Variants in CADPS2 observed in about 807,000 individuals in gnomAD.
The protein encoded by CADPS2 is calcium-dependent secretion activator 2.
CADPS2 carries 93 observed loss-of-function variants against 172.5 expected under a neutral mutation model. That is an observed-to-expected ratio of 0.54 (90% CI 0.46 to 0.64). The LOEUF (loss-of-function observed/expected upper bound fraction) is 0.64, where lower values mean the gene tolerates loss of function less well. Among genes scored for constraint, CADPS2 ranks in the 30% least tolerant of loss-of-function variants. CADPS2 has a pLI of 0.00. For synonymous variants in CADPS2, 546 were observed against 555.2 expected (o/e 0.98, Z 0.23); for missense variants, 1,420 against 1,565.9 (o/e 0.91, Z 1.57).
intron 2 of CADPS2, chr7:122,702,123 C>A (rs376463521): frequency 7.4e-6 from 12 of 1,613,552 alleles, no homozygotes; most frequent in South Asian, 4.4e-5. Flanking sequence ...AGTCTCCAGA[C>A]GCAATCTAAG....
intron 2 of CADPS2, among the ~76,000 whole-genome samples, chr7:122,729,958 ATGAAG>A (rs1227138227): frequency 5.3e-5 from 8 of 151,810 alleles, no homozygotes; most frequent in African/African-American, 1.7e-4. Flanking sequence ...AGGAAATAAA[ATGAAG>A]TGTAGTCTCT....
At position 122,536,150 on chromosome 7, in the gene CADPS2, CCTTTTG is replaced by C. The variant is rs1462709084; in HGVS notation, c.1475+18394_1475+18399del. 8.5e-5 allele frequency among the ~76,000 whole-genome samples: 13 copies of C among 152,102 alleles called. 1 individual carries two copies. The South Asian group carries it at 1.0e-3, about 12-fold the overall frequency. On this transcript the variant is annotated intron_variant, in intron 8 of 29. Transcript: ENST00000449022. ...CAAAACAATATTAGACAAATGATAT[CCTTTTG>C]CTTTTAAGAAAAATGAATAGTTGTA...
At chr7:122,435,478 C>T (rs1461962687) in intron 17 of CADPS2, among the ~76,000 whole-genome samples, 7 of 151,786 alleles carry the variant, frequency 4.6e-5, no homozygotes, top group South Asian at 2.1e-4. Context: ...CCTGTTGGGA[C>T]GACTATTATT....
At chr7:122,836,220 A>C (rs991646036) in intron 1 of CADPS2, among the ~76,000 whole-genome samples, 4 of 152,206 alleles carry the variant, frequency 2.6e-5, no homozygotes, top group African/African-American at 4.8e-5. Flanking sequence ...TTTACAGACA[A>C]GCAAATGATA....
intron 2 of CADPS2, among the ~76,000 whole-genome samples, chr7:122,677,442 G>A (rs1308194866): frequency 1.3e-5 from 2 of 152,208 alleles, no homozygotes; most frequent in Non-Finnish European, 2.9e-5. Context: ...GGAGGTGCCT[G>A]AGGAGGACGG....
chr7:122,523,811 G>C (rs1014245535), intron 8 of CADPS2, among the ~76,000 whole-genome samples: 1 of 152,126 alleles, frequency 6.6e-6, no homozygotes. Flanking sequence ...GGCTTTCCAA[G>C]CTGATTATAA....
At chr7:122,834,721 G>T (rs369898767) in intron 1 of CADPS2, among the ~76,000 whole-genome samples, 1 of 152,176 alleles carries the variant, frequency 6.6e-6, no homozygotes, top group Non-Finnish European at 1.5e-5. Context: ...ACTGCAAGGC[G>T]GCAGCGAGGC....
intron 1 of CADPS2, among the ~76,000 whole-genome samples, chr7:122,738,358 C>T (rs2092292828): frequency 1.3e-5 from 2 of 151,748 alleles, no homozygotes; most frequent in Admixed American, 1.3e-4. Context: ...GGGGCATGTA[C>T]TTCACTAGAA....
At chr7:122,797,911 A>G (rs1253708711) in intron 1 of CADPS2, among the ~76,000 whole-genome samples, 1 of 152,158 alleles carries the variant, frequency 6.6e-6, no homozygotes, top group African/African-American at 2.4e-5. Flanking sequence ...TGAATGTATG[A>G]TTTTAACTCA....
chr7:122,791,498 T>C (rs1182900653), intron 1 of CADPS2, among the ~76,000 whole-genome samples: 1 of 152,168 alleles, frequency 6.6e-6, no homozygotes, highest in African/African-American at 2.4e-5. Context: ...CATACCAGCA[T>C]AGCAACTCAT....
chr7:122,488,637 A>C (rs1210395359), intron 11 of CADPS2, among the ~76,000 whole-genome samples: 1 of 152,222 alleles, frequency 6.6e-6, no homozygotes, highest in African/African-American at 2.4e-5. Flanking sequence ...GTGAACAGAG[A>C]ATAGTCTTAG....
chr7:122,672,652 T>G (rs1260828190), intron 2 of CADPS2, among the ~76,000 whole-genome samples: 1 of 152,198 alleles, frequency 6.6e-6, no homozygotes, highest in Non-Finnish European at 1.5e-5. Context: ...TTTACTCCTT[T>G]TCTCTCCCAT....
chr7:122,662,570 T>G (rs1230252032), intron 3 of CADPS2, among the ~76,000 whole-genome samples: 1 of 152,180 alleles, frequency 6.6e-6, no homozygotes, highest in East Asian at 1.9e-4. Flanking sequence ...GAAACCAGGT[T>G]TCACCATGTT....
chr7:122,803,755 A>G (rs1334003646), intron 1 of CADPS2, among the ~76,000 whole-genome samples: 7 of 152,196 alleles, frequency 4.6e-5, no homozygotes, highest in Admixed American at 4.6e-4. Context: ...CTTTGCAACT[A>G]AGCATGATAC....
chr7:122,863,657 T>C (rs545282811), intron 1 of CADPS2, among the ~76,000 whole-genome samples: 3 of 152,360 alleles, frequency 2.0e-5, no homozygotes, highest in Non-Finnish European at 4.4e-5. Flanking sequence ...AACATATATG[T>C]AGCTGTGCAG....
intron 25 of CADPS2, among the ~76,000 whole-genome samples, chr7:122,374,474 A>C (rs981424866): frequency 6.6e-6 from 1 of 152,134 alleles, no homozygotes; most frequent in African/African-American, 2.4e-5. Context: ...CAAGGCATGC[A>C]AATCAGGAAA....
At chr7:122,412,685 T>G (rs1337813336) in intron 19 of CADPS2, 2 of 152,186 alleles carry the variant, frequency 1.3e-5, no homozygotes, top group African/African-American at 2.4e-5. Context: ...TTAAGGATCT[T>G]AAGTCAATAT....
intron 2 of CADPS2, among the ~76,000 whole-genome samples, chr7:122,669,262 T>C (rs2081509232): frequency 6.6e-6 from 1 of 151,730 alleles, no homozygotes; most frequent in Non-Finnish European, 1.5e-5. Context: ...TCCCAAAAGC[T>C]GGAGGTTGTA....
intron 5 of CADPS2, among the ~76,000 whole-genome samples, chr7:122,618,027 G>A (rs1485494623): frequency 7.2e-6 from 1 of 139,666 alleles, no homozygotes; most frequent in Non-Finnish European, 1.5e-5. Flanking sequence ...CTGGGCGACA[G>A]TGCAAGATTC....
Sources: gnomAD v4.1 joint callset for allele counts (sites outside exome capture counted in the v4.1 genomes callset) on GRCh38, gnomAD v4.1.1 for gene constraint, MANE v1.5 for transcripts, NCBI Gene and HGNC (gene_info 2026-07-23, HGNC 2026-07-21) for gene names.